PCDHGA12: variants seen among roughly 807,000 people sequenced by gnomAD.
The protein encoded by PCDHGA12 is protocadherin gamma-A12.
PCDHGA12 carries 43 observed loss-of-function variants against 61.1 expected under a neutral mutation model. The ratio of observed to expected loss-of-function variants is 0.70; its 90% CI spans 0.55 to 0.91. The LOEUF is 0.91. Ranked by LOEUF, PCDHGA12 falls within the 40% of genes least tolerant of loss-of-function variation. The pLI, the probability that PCDHGA12 is intolerant of heterozygous loss-of-function variation, is 0.00. For synonymous variants in PCDHGA12, 520 were observed against 542.9 expected, an observed-to-expected ratio of 0.96 and a Z score of 0.59; for missense variants, 1,236 against 1,227.7, an observed-to-expected ratio of 1.01 and a Z score of -0.10.
rs1029237740 is a variant in PCDHGA12, at chr5:141,500,358, A to G, written c.2484-5035A>G. ...AGAATAGCTGGGACTACAGGCGCCC[A>G]CTACCACGCCCGGCTAATTATTTTG... On this transcript the variant is annotated intron_variant, in intron 2 of 3. Coordinates refer to ENST00000252085, the MANE Select transcript of PCDHGA12 (RefSeq NM_003735.3). Among the ~76,000 whole-genome samples, 5 of 151,706 alleles carry G rather than the reference A, an allele frequency of 3.3e-5. No homozygotes were observed. In the South Asian group the frequency reaches 6.3e-4, roughly 19 times the overall value.
intron 1 of PCDHGA12, among the ~76,000 whole-genome samples, chr5:141,469,375 G>C (rs942714664): frequency 2.0e-5 from 3 of 152,076 alleles, no homozygotes; most frequent in African/African-American, 7.2e-5. Flanking sequence ...AAGAGATCGA[G>C]ACCATCCTGG....
chr5:141,485,500 C>T lies in PCDHGA12; in HGVS notation c.2425-9307C>T. 1 of 1,614,142 alleles carries T rather than the reference C, an allele frequency of 6.2e-7. No homozygotes were observed. The highest frequency in any genetic ancestry group is 8.5e-7 in the Non-Finnish European group (1 of 1,180,038). ...GCTGCATCGTGCCCCTGGAGTTTGT[C>T]ACCGAAGGTCCTTTGGAAATGTACC... On this transcript the variant is annotated intron_variant, in intron 1 of 3. Coordinates refer to ENST00000252085, the MANE Select transcript of PCDHGA12 (RefSeq NM_003735.3). The surrounding 1 kb of genome is among the most constrained non-coding windows in gnomAD (Gnocchi z 5.7).
At position 141,476,753 on chromosome 5, in the gene PCDHGA12, G is replaced by C; in HGVS notation, c.2425-18054G>C. On this transcript the variant is annotated intron_variant, in intron 1 of 3. Coordinates refer to ENST00000252085, the MANE Select transcript of PCDHGA12 (RefSeq NM_003735.3). This position sits in a 1 kb window ranked among gnomAD's most constrained non-coding sequence, Gnocchi z 7.6. Reference sequence around the variant, plus strand: ...AGAACGGGAGCCTAGTCTCCAGTTAGTGCTGACGGCGTTGGACGGAGGGAC... The same window carrying C: ...AGAACGGGAGCCTAGTCTCCAGTTACTGCTGACGGCGTTGGACGGAGGGAC... 3.1e-6 allele frequency: 5 copies of C among 1,614,012 alleles called. No individual in the cohort carries two copies. The highest frequency in any genetic ancestry group is 4.2e-6 in the Non-Finnish European group (5 of 1,180,030).
intron 1 of PCDHGA12, among the ~76,000 whole-genome samples, chr5:141,438,458 G>A (rs1462204360): frequency 6.6e-6 from 1 of 151,538 alleles, no homozygotes. Context: ...CAATGCTTGA[G>A]TTCAATTATT....
chr5:141,487,529 A>G lies in PCDHGA12; in HGVS notation c.2425-7278A>G, dbSNP rs772843725. ...TGCACCCACTCGGAGTGATAGCTTCATGATGGTGAAGTCACCCAGTGCACC... is the reference window on the plus strand; with the variant it reads ...TGCACCCACTCGGAGTGATAGCTTCGTGATGGTGAAGTCACCCAGTGCACC... On this transcript the variant is annotated intron_variant, in intron 1 of 3. Coordinates refer to ENST00000252085, the MANE Select transcript of PCDHGA12 (RefSeq NM_003735.3). The surrounding 1 kb of genome is among the most constrained non-coding windows in gnomAD (Gnocchi z 5.0). The G allele has an allele frequency of 2.0e-5, 32 of 1,614,168 alleles. No individual in the cohort carries two copies. Among genetic ancestry groups the G allele is most frequent in the Non-Finnish European group, 2.5e-5 (29 of 1,180,040 alleles).
chr5:141,507,578 C>T (rs1268451710), intron 3 of PCDHGA12, among the ~76,000 whole-genome samples: 1 of 152,220 alleles, frequency 6.6e-6, no homozygotes, highest in East Asian at 1.9e-4. Context: ...GAGGAGATGC[C>T]AAGTTGGCCT....
chr5:141,505,507 A>G, intron 3 of PCDHGA12, 26 bp downstream of exon 3: 1 of 1,614,004 alleles, frequency 6.2e-7, no homozygotes, highest in South Asian at 1.1e-5. Flanking sequence ...GTGTGTATGG[A>G]AGAGTGGGAG....
Position 141,476,187 on chromosome 5 carries a change from G to A in PCDHGA12, c.2425-18620G>A. 6.2e-7 allele frequency: 1 copy of A among 1,613,782 alleles called. No individual in the cohort carries two copies. The highest frequency in any genetic ancestry group is 1.1e-5 in the South Asian group (1 of 91,072). ...GTAGTGGGAGTTTTGCTTCTGCTTG[G>A]TGCCTTGAACAAGGCTTCCACGGTC... On this transcript the variant is annotated intron_variant, in intron 1 of 3. Coordinates refer to ENST00000252085, the MANE Select transcript of PCDHGA12 (RefSeq NM_003735.3). This position sits in a 1 kb window ranked among gnomAD's most constrained non-coding sequence, Gnocchi z 7.6.
chr5:141,473,975 G>T (rs188916402), intron 1 of PCDHGA12, among the ~76,000 whole-genome samples: 1 of 152,104 alleles, frequency 6.6e-6, no homozygotes, highest in Non-Finnish European at 1.5e-5. Flanking sequence ...AGTCTGAGGC[G>T]GGAGGATCCC....
At chr5:141,505,121 C>A (rs1194549194) in intron 2 of PCDHGA12, among the ~76,000 whole-genome samples, 1 of 152,168 alleles carries the variant, frequency 6.6e-6, no homozygotes, top group Non-Finnish European at 1.5e-5. Context: ...AAGATCGCGC[C>A]ACTGCACTCC....
chr5:141,432,692 G>A lies in PCDHGA12; in HGVS notation c.1933G>A (p.Ala645Thr). The A allele has an allele frequency of 6.2e-7, 1 of 1,613,964 alleles. No homozygotes were observed. Among genetic ancestry groups the A allele is most frequent in the Non-Finnish European group, 8.5e-7 (1 of 1,179,978 alleles). Residue 645 changes from alanine (A) to threonine (T), a missense_variant, in exon 1 of 4, where the codon GCC (alanine) becomes ACC (threonine). By Grantham distance (58) the Ala-to-Thr change is moderately conservative (BLOSUM62 0). Transcript: ENST00000252085. The surrounding 1 kb of genome is among the most constrained non-coding windows in gnomAD (Gnocchi z 6.0). ...RDALKQSLVV[A>T]VQDHGQPPLS... ...CGCGCTCAAGCAGAGCCTCGTAGTG[G>A]CCGTCCAGGACCACGGCCAGCCCCC...
Position 141,477,983 on chromosome 5 carries a change from C to T in PCDHGA12, c.2425-16824C>T. 1 of 1,614,126 alleles carries T rather than the reference C, an allele frequency of 6.2e-7. No individual in the cohort carries two copies. Among genetic ancestry groups the T allele is most frequent in the Non-Finnish European group, 8.5e-7 (1 of 1,180,024 alleles). ...TAACCAGAGCCTTTTTGCCATAGGGCTGCACACTGGTCAAATCAGTACTGC... is the reference window on the plus strand; with the variant it reads ...TAACCAGAGCCTTTTTGCCATAGGGTTGCACACTGGTCAAATCAGTACTGC... On this transcript the variant is annotated intron_variant, in intron 1 of 3. Coordinates refer to ENST00000252085, the MANE Select transcript of PCDHGA12 (RefSeq NM_003735.3). The surrounding 1 kb of genome is among the most constrained non-coding windows in gnomAD (Gnocchi z 4.9).
chr5:141,489,283 G>A lies in PCDHGA12; in HGVS notation c.2425-5524G>A. The A allele has an allele frequency of 6.4e-7, 1 of 1,569,594 alleles. No homozygotes were observed. Among genetic ancestry groups the A allele is most frequent in the Admixed American group, 1.8e-5 (1 of 55,646 alleles). ...CCCACAGCTCGCTGGGAAATGGCAA[G>A]TGCTGTGCATGTTGTCCTTGTGCTG... On this transcript the variant is annotated intron_variant, in intron 1 of 3. Coordinates refer to ENST00000252085, the MANE Select transcript of PCDHGA12 (RefSeq NM_003735.3). This position sits in a 1 kb window ranked among gnomAD's most constrained non-coding sequence, Gnocchi z 4.5.
intron 1 of PCDHGA12, 96 bp from the exon 2 acceptor site, chr5:141,494,711 A>T (rs757105958): frequency 6.3e-7 from 1 of 1,599,616 alleles, no homozygotes; most frequent in Non-Finnish European, 8.5e-7. Context: ...CTCTGTGCCC[A>T]CTCCCCTCCT....
Position 141,485,399 on chromosome 5 carries a change from C to T in PCDHGA12, c.2425-9408C>T. On this transcript the variant is annotated intron_variant, in intron 1 of 3. Coordinates refer to ENST00000252085, the MANE Select transcript of PCDHGA12 (RefSeq NM_003735.3). This position sits in a 1 kb window ranked among gnomAD's most constrained non-coding sequence, Gnocchi z 5.7. ...TGGAGAGGTGAACCAAAGACACTTC[C>T]GTGTGGATTTGGACAGCGGAGCCCT... 3 of 1,614,000 alleles carry T rather than the reference C, an allele frequency of 1.9e-6. No homozygotes were observed. The highest frequency in any genetic ancestry group is 2.5e-6 in the Non-Finnish European group (3 of 1,179,922).
intron 1 of PCDHGA12, among the ~76,000 whole-genome samples, chr5:141,479,107 G>A (rs1212999480): frequency 6.6e-6 from 1 of 152,090 alleles, no homozygotes; most frequent in Non-Finnish European, 1.5e-5. Flanking sequence ...TTTATTTCAA[G>A]CATTCTACTG....
At chr5:141,464,470 C>T (rs1175806879) in intron 1 of PCDHGA12, among the ~76,000 whole-genome samples, 3 of 151,194 alleles carry the variant, frequency 2.0e-5, no homozygotes, top group Non-Finnish European at 2.9e-5. Flanking sequence ...GAAGTATGTA[C>T]GTATAATAAA....
chr5:141,463,574 G>A (rs942457606), intron 1 of PCDHGA12, among the ~76,000 whole-genome samples: 1 of 146,978 alleles, frequency 6.8e-6, no homozygotes, highest in Non-Finnish European at 1.5e-5. Flanking sequence ...TCAGCCTCCC[G>A]AGTAGCTGGG....
At chr5:141,447,370 C>A (rs2098536615) in intron 1 of PCDHGA12, among the ~76,000 whole-genome samples, 1 of 151,612 alleles carries the variant, frequency 6.6e-6, no homozygotes, top group African/African-American at 2.4e-5. Context: ...AACTCCTGAC[C>A]CTGGTGATCT....
Sources: gnomAD v4.1 joint callset for allele counts (sites outside exome capture counted in the v4.1 genomes callset) on GRCh38, gnomAD v4.1.1 for gene constraint, Gnocchi (gnomAD v3.1) non-coding constraint, MANE v1.5 for transcripts, NCBI Gene and HGNC (gene_info 2026-07-23, HGNC 2026-07-21) for gene names.